The following NBPF10 variants were observed in gnomAD, a reference collection of about 807,000 sequenced individuals.
The protein encoded by NBPF10 is NBPF member 10.
A neutral mutation model predicts 77.9 loss-of-function variants in NBPF10; 63 were observed. The ratio of observed to expected loss-of-function variants is 0.81; its 90% CI spans 0.66 to 1.00. The LOEUF (loss-of-function observed/expected upper bound fraction) is 1.00, where lower values mean the gene tolerates loss of function less well. NBPF10 is among the 50% of genes least tolerant of loss of function. The pLI, the probability that NBPF10 is intolerant of heterozygous loss-of-function variation, is 0.00. For missense variants in NBPF10, 522 were observed against 679.8 expected, an observed-to-expected ratio of 0.77 and a Z score of 2.58; for synonymous variants, 146 against 264.5, an observed-to-expected ratio of 0.55 and a Z score of 4.35.
chr1:146,072,095 C>T (rs1655768669), intron 82 of NBPF10, 76 bp from the exon 83 acceptor site: 1 of 764 alleles, frequency 1.3e-3, no homozygotes, highest in Non-Finnish European at 2.6e-3. Context: ...GTCTAATCCC[C>T]ACACAGGGAT....
At chr1:146,072,145 T>TGA in intron 82 of NBPF10, 126 bp from the exon 83 acceptor site, 1 of 45,266 alleles carries the variant, frequency 2.2e-5, no homozygotes, top group Non-Finnish European at 3.9e-5. Context: ...ATGTGAGAGA[T>TGA]ATACTTCAGG....
rs782221006 is a variant in NBPF10, at chr1:146,069,522, C to G, written c.10810+21G>C. Reference sequence around the variant, plus strand: ...CAGAAGACTCAGTGGATCCTTATCACCTTCATAGAAAGGTACTCACCATCC... The same window carrying G: ...CAGAAGACTCAGTGGATCCTTATCAGCTTCATAGAAAGGTACTCACCATCC... On this transcript the variant is annotated intron_variant, in intron 86 of 89. Transcript: ENST00000583866. 3 of 874,740 alleles carry G rather than the reference C, an allele frequency of 3.4e-6. No individual in the cohort carries two copies. In the South Asian group the frequency reaches 3.9e-5, roughly 11 times the overall value. 54.2% of individuals were successfully genotyped at this position (874,740 alleles called of 1,614,324 possible).
intron 19 of NBPF10, among the ~76,000 whole-genome samples, 165 bp from the exon 20 acceptor site, chr1:146,121,835 G>C (rs1244219362): frequency 6.7e-6 from 1 of 149,190 alleles, no homozygotes; most frequent in Non-Finnish European, 1.5e-5. Flanking sequence ...AACAGGGCCA[G>C]GTAGAAAACA....
At chr1:146,133,300 C>CT in intron 10 of NBPF10, 1 of 12,718 alleles carries the variant, frequency 7.9e-5, no homozygotes, top group African/African-American at 4.6e-4. Context: ...ACTCAGGTGA[C>CT]TATGAGATTG....
In NBPF10 at chr1:146,142,660, C is replaced by T; in HGVS notation, c.268G>A (p.Glu90Lys). Residue 90 changes from glutamate to lysine, a missense_variant, in exon 2 of 90, where the codon GAG (glutamate) becomes AAG (lysine). Physicochemically the swap from Glu to Lys is moderately conservative, Grantham distance 56. This residue lies in a region of NBPF10 where 71 missense variants were observed against 114.9 expected (regional missense o/e 0.62). Transcript: ENST00000583866. ...ATGGGGTCCCCTCACCTGAGCTCCT[C>T]AGCTTGCTTCAGCTGCTCTGCAAGC... 11 of 1,346,830 alleles carry T rather than the reference C, an allele frequency of 8.2e-6. 3 individuals carry two copies. The highest frequency in any genetic ancestry group is 1.1e-5 in the Non-Finnish European group (11 of 978,766). The allele number at this position is 1,346,830 out of a possible 1,614,324, so 83.4% of individuals were successfully genotyped here. A position where few individuals can be genotyped will look rare whatever the true frequency, so the allele number is the denominator to read the frequency against.
intron 19 of NBPF10, among the ~76,000 whole-genome samples, chr1:146,121,892 C>T (rs1306947360): frequency 7.1e-6 from 1 of 140,864 alleles, no homozygotes; most frequent in Non-Finnish European, 1.6e-5. Context: ...GAGACAGAGA[C>T]AGAGAGAAAG....
intron 4 of NBPF10, 97 bp downstream of exon 4, chr1:146,140,387 C>T (rs55732260): frequency 0.51 from 429,939 of 840,184 alleles, 145,728 homozygotes; most frequent in Non-Finnish European, 0.59. Context: ...CAAGGGAATG[C>T]GGGCATTTGG....
chr1:146,134,382 A>C, intron 8 of NBPF10, 117 bp from the exon 9 acceptor site: 1 of 799,338 alleles, frequency 1.3e-6, no homozygotes, highest in Non-Finnish European at 2.0e-6. Context: ...TCAACTGAAA[A>C]CTCTCATGTT....
chr1:146,067,322 A>G (rs1553778035), intron 88 of NBPF10, 34 bp from the exon 89 acceptor site: 1 of 483,014 alleles, frequency 2.1e-6, no homozygotes, highest in Admixed American at 3.7e-5. Flanking sequence ...AGACACATTA[A>G]GCTGATTCCC....
chr1:146,128,931 G>A (rs1659018317), intron 11 of NBPF10, among the ~76,000 whole-genome samples: 1 of 150,658 alleles, frequency 6.6e-6, no homozygotes, highest in Admixed American at 6.6e-5. Flanking sequence ...CTAACACACA[G>A]AAAGGAATAG....
At chr1:146,138,990 G>T (rs1211546665) in intron 5 of NBPF10, among the ~76,000 whole-genome samples, 1 of 139,296 alleles carries the variant, frequency 7.2e-6, no homozygotes, top group Non-Finnish European at 1.6e-5. Context: ...CGCCATCTTG[G>T]ACAGGCTGGT....
rs1321875778 is a variant in NBPF10 at position 146,127,991 on chromosome 1, A to G, written c.1801+128T>C. ...TGACTCCAGAGTGACTGAAGTCTAC[A>G]TTGATATATAGGTTCAGCCCACGGT... On this transcript the variant is annotated intron_variant, in intron 12 of 89. Transcript: ENST00000583866. 2.0e-5 allele frequency: 30 copies of G among 1,525,310 alleles called. 1 individual carries two copies. The African/African-American group carries it at 3.9e-4, about 20-fold the overall frequency. The allele number at this position is 1,525,310 out of a possible 1,614,324, so 94.5% of individuals were successfully genotyped here.
Position 146,127,118 on chromosome 1 carries a change from C to G in NBPF10, c.1802-39G>C, listed in dbSNP as rs1363873839. On this transcript the variant is annotated intron_variant, in intron 12 of 89. Transcript: ENST00000583866. ...CAGATGTGCCCTCTTACATTAAGTT[C>G]TTCCTTGCACACAGAAACATTCCTC... The G allele has an allele frequency of 6.3e-6, 3 of 473,688 alleles. No homozygotes were observed. In the East Asian group the frequency reaches 9.4e-5, roughly 15 times the overall value. The allele number at this position is 473,688 out of a possible 1,614,324, so 29.3% of individuals were successfully genotyped here. A position where few individuals can be genotyped will look rare whatever the true frequency, so the allele number is the denominator to read the frequency against.
intron 1 of NBPF10, among the ~76,000 whole-genome samples, chr1:146,143,631 CCA>C (rs1660520085): frequency 8.2e-6 from 1 of 122,170 alleles, no homozygotes; most frequent in Admixed American, 8.9e-5. Flanking sequence ...ACTGCTGCTT[CCA>C]CACATTCTCC....
chr1:146,127,975 A>G (rs1553790946), intron 12 of NBPF10, 144 bp downstream of exon 12: 2 of 1,499,492 alleles, frequency 1.3e-6, no homozygotes, highest in Non-Finnish European at 1.9e-6. Context: ...TTGACTCCAG[A>G]GTGACTGAAG....
intron 88 of NBPF10, 93 bp from the exon 89 acceptor site, chr1:146,067,381 C>G (rs1263832806): frequency 5.3e-6 from 2 of 374,346 alleles, no homozygotes; most frequent in South Asian, 4.3e-5. Context: ...GGACCTCAGG[C>G]TCCTCAGCAT....
At chr1:146,126,533 T>C (rs1658690370) in intron 13 of NBPF10, 125 bp from the exon 14 acceptor site, 9 of 712,566 alleles carry the variant, frequency 1.3e-5, no homozygotes, top group Non-Finnish European at 2.3e-5. Context: ...ATTAATGAGG[T>C]AACAAATTAT....
exon 14 of NBPF10, chr1:146,126,248 T>A (rs4098126): frequency 3.1e-6 from 5 of 1,607,794 alleles, no homozygotes; most frequent in Middle Eastern, 2.3e-4. Context: ...TCCATGTCAA[T>A]AGCCAAGCCA....
chr1:146,142,255 G>A lies in NBPF10; in HGVS notation c.278+395C>T, dbSNP rs78925416. ...GAAAGAAGAAAAGAAGGACAGGGTC[G>A]AGGAGGCAACATTGATTGAGTGAAA... On this transcript the variant is annotated intron_variant, in intron 2 of 89. Coordinates refer to ENST00000583866, the Ensembl canonical transcript of NBPF10. Among the ~76,000 whole-genome samples the A allele has an allele frequency of 2.7e-4, 30 of 112,840 alleles. 5 individuals carry two copies. The highest frequency in any genetic ancestry group is 3.8e-4 in the Non-Finnish European group (19 of 50,328). The allele number at this position is 112,840 out of a possible 152,430, so 74.0% of individuals were successfully genotyped here. A position where few individuals can be genotyped will look rare whatever the true frequency, so the allele number is the denominator to read the frequency against.
Sources: allele counts gnomAD v4.1 joint callset (sites outside exome capture counted in the v4.1 genomes callset), GRCh38; gene constraint gnomAD v4.1.1; regional missense constraint gnomAD v4.1.1; transcripts MANE v1.5; gene names NCBI Gene and HGNC (gene_info 2026-07-23, HGNC 2026-07-21).